Variants in RIT2 observed in about 807,000 individuals in gnomAD.
RIT2 encodes Ras like without CAAX 2, also known as GTP-binding protein Rit2.
A neutral mutation model predicts 23.7 loss-of-function variants in RIT2; 24 were observed. The observed-to-expected ratio is 1.01, with a 90% CI of 0.73 to 1.43. The LOEUF is 1.43. Ranked by LOEUF, RIT2 falls within the 40% of genes most tolerant of loss-of-function variation. RIT2 has a pLI of 0.00. For missense variants in RIT2, 236 were observed against 266.9 expected, an observed-to-expected ratio of 0.88 and a Z score of 0.81; for synonymous variants, 107 against 91.1, an observed-to-expected ratio of 1.17 and a Z score of -0.99.
At chr18:42,994,067 C>T (rs963647897) in intron 2 of RIT2, among the ~76,000 whole-genome samples, 1 of 152,096 alleles carries the variant, frequency 6.6e-6, no homozygotes, top group African/African-American at 2.4e-5. Flanking sequence ...GGTGCCAAAC[C>T]CATAAACTCT....
Position 42,907,094 on chromosome 18 carries a change from T to C in RIT2, c.426+16478A>G, listed in dbSNP as rs532342823. ...GTAAATTATGTCTGTATCTACTGTT[T>C]TTTTAAGTCTTCTTTTAGAAAAAAT... is the stretch of plus-strand genomic sequence containing the variant. On this transcript the variant is annotated intron_variant, in intron 4 of 4. Transcript: ENST00000326695. 2.2e-3 allele frequency among the ~76,000 whole-genome samples: 336 copies of C among 152,328 alleles called. 1 individual carries two copies. Among genetic ancestry groups the C allele is most frequent in the African/African-American group, 7.5e-3 (313 of 41,574 alleles).
chr18:43,102,815 G>A (rs1246639851), intron 1 of RIT2, among the ~76,000 whole-genome samples: 1 of 151,698 alleles, frequency 6.6e-6, no homozygotes, highest in South Asian at 2.1e-4. Context: ...CACCAGAGCC[G>A]GATAATTTTT....
At chr18:42,823,264 T>C (rs1465981428) in intron 4 of RIT2, among the ~76,000 whole-genome samples, 2 of 152,288 alleles carry the variant, frequency 1.3e-5, no homozygotes, top group Middle Eastern at 6.8e-3. Flanking sequence ...ACTGCAAGGA[T>C]ATTCATCACA....
chr18:42,792,408 C>T (rs1230284410), intron 4 of RIT2, among the ~76,000 whole-genome samples: 1 of 152,160 alleles, frequency 6.6e-6, no homozygotes, highest in Admixed American at 6.5e-5. Flanking sequence ...TTTACAATAT[C>T]AGTCATTGCA....
At chr18:43,021,742 C>T (rs66500905) in intron 2 of RIT2, among the ~76,000 whole-genome samples, 22,835 of 152,026 alleles carry the variant, frequency 0.15, 2,029 homozygotes, top group East Asian at 0.42. Context: ...TTCCTGAGGC[C>T]TCCCCAAAAG....
chr18:43,047,539 G>A (rs527909828), intron 1 of RIT2, among the ~76,000 whole-genome samples: 48 of 152,128 alleles, frequency 3.2e-4, no homozygotes, highest in South Asian at 2.9e-3. Flanking sequence ...TGTAATGCTT[G>A]CATTTTTCTC....
chr18:43,033,863 C>T lies in RIT2; in HGVS notation c.108G>A (p.Met36Ile), dbSNP rs143764572. 113 of 1,603,956 alleles carry T rather than the reference C, an allele frequency of 7.0e-5. No individual in the cohort carries two copies. The highest frequency in any genetic ancestry group is 9.3e-5 in the Non-Finnish European group (109 of 1,173,076). The change falls in exon 2 of 5, where the codon ATG becomes ATA. Residue 36 changes from methionine to isoleucine, a missense_variant. Transcript: ENST00000326695. The stretch of plus-strand genomic sequence containing the variant: ...ACTGATGACTAATAAACTGCATTGT[C>T]ATTGCTGAAAGAAAAAAAACACATT... Reference protein sequence around the residue: ...LGAGGVGKSAMTMQFISHQFP... With the variant: ...LGAGGVGKSAITMQFISHQFP...
intron 2 of RIT2, among the ~76,000 whole-genome samples, chr18:43,019,214 T>C (rs1462710889): frequency 6.6e-6 from 1 of 151,766 alleles, no homozygotes; most frequent in Middle Eastern, 3.2e-3. Context: ...ACCCCAAGCA[T>C]ATCAAAACCA....
intron 4 of RIT2, among the ~76,000 whole-genome samples, chr18:42,902,993 G>T (rs866023889): frequency 9.9e-5 from 15 of 151,580 alleles, no homozygotes; most frequent in African/African-American, 3.6e-4. Context: ...AGAAGATGAA[G>T]GACTAGAAAA....
chr18:42,848,839 C>A (rs964361696), intron 4 of RIT2, among the ~76,000 whole-genome samples: 4 of 152,064 alleles, frequency 2.6e-5, no homozygotes, highest in Admixed American at 6.6e-5. Context: ...ATGATTGAAG[C>A]AATGTTTTGG....
chr18:42,865,913 T>G (rs1907457509), intron 4 of RIT2, among the ~76,000 whole-genome samples: 1 of 152,196 alleles, frequency 6.6e-6, no homozygotes. Context: ...ATCTTCTGCC[T>G]GGAATGTTCT....
intron 1 of RIT2, among the ~76,000 whole-genome samples, chr18:43,037,979 C>G (rs542676807): frequency 4.6e-5 from 7 of 151,780 alleles, no homozygotes; most frequent in African/African-American, 1.7e-4. Context: ...CCAAGGCGGG[C>G]GGATCACGAG....
chr18:43,084,545 C>T (rs1472281039), intron 1 of RIT2, among the ~76,000 whole-genome samples: 3 of 152,078 alleles, frequency 2.0e-5, no homozygotes, highest in African/African-American at 7.2e-5. Flanking sequence ...CCATGGAAAA[C>T]TATGCAGCCA....
chr18:42,993,066 T>A (rs1910892753), intron 2 of RIT2, among the ~76,000 whole-genome samples: 1 of 152,056 alleles, frequency 6.6e-6, no homozygotes, highest in Non-Finnish European at 1.5e-5. Context: ...CCCAGCCACA[T>A]CTCCAGCACA....
chr18:42,937,827 A>G (rs576713389), intron 3 of RIT2, among the ~76,000 whole-genome samples: 1 of 152,330 alleles, frequency 6.6e-6, no homozygotes, highest in South Asian at 2.1e-4. Flanking sequence ...AAGAACTCAG[A>G]AAATAGTAAT....
intron 4 of RIT2, among the ~76,000 whole-genome samples, chr18:42,851,367 T>C (rs1952452853): frequency 1.3e-5 from 2 of 152,216 alleles, no homozygotes. Flanking sequence ...AATTACTGAA[T>C]ATAACATCTA....
At chr18:42,927,617 C>T (rs1909216593) in intron 3 of RIT2, among the ~76,000 whole-genome samples, 1 of 151,966 alleles carries the variant, frequency 6.6e-6, no homozygotes. Context: ...ATATCTTCTT[C>T]ATTTGCTCCC....
At chr18:43,097,392 T>C (rs1048866474) in intron 1 of RIT2, among the ~76,000 whole-genome samples, 5 of 151,822 alleles carry the variant, frequency 3.3e-5, no homozygotes, top group African/African-American at 1.2e-4. Flanking sequence ...ATGTTAAATG[T>C]TAAATAAATA....
intron 4 of RIT2, among the ~76,000 whole-genome samples, chr18:42,795,473 G>T (rs532639060): frequency 6.6e-6 from 1 of 152,234 alleles, no homozygotes; most frequent in Non-Finnish European, 1.5e-5. Flanking sequence ...TTCCCGCGGG[G>T]CAGGGCTCGG....
Sources: allele counts gnomAD v4.1 joint callset (sites outside exome capture counted in the v4.1 genomes callset), GRCh38; gene constraint gnomAD v4.1.1; transcripts MANE v1.5; gene names NCBI Gene and HGNC (gene_info 2026-07-23, HGNC 2026-07-21).